PRKCE: variants seen among roughly 807,000 people sequenced by gnomAD.
PRKCE encodes the protein protein kinase C epsilon, also known as protein kinase C epsilon type.
Under a neutral mutation model 85.4 loss-of-function variants are expected in PRKCE, and 16 were observed. The observed-to-expected ratio is 0.19, with a 90% CI of 0.13 to 0.28. PRKCE has a LOEUF of 0.28. PRKCE is among the 10% of genes least tolerant of loss of function. The pLI is 1.00. For synonymous variants in PRKCE, 388 were observed against 371.5 expected, an observed-to-expected ratio of 1.04 and a Z score of -0.51; for missense variants, 573 against 975.2, an observed-to-expected ratio of 0.59 and a Z score of 5.49.
intron 10 of PRKCE, among the ~76,000 whole-genome samples, chr2:46,052,922 A>G (rs1332035711): frequency 6.6e-6 from 1 of 152,242 alleles, no homozygotes; most frequent in Non-Finnish European, 1.5e-5. Flanking sequence ...TTTTCCATAA[A>G]TGGTACTGAG....
chr2:45,682,015 G>A (rs972493088), intron 1 of PRKCE, among the ~76,000 whole-genome samples: 1 of 152,148 alleles, frequency 6.6e-6, no homozygotes, highest in Non-Finnish European at 1.5e-5. Flanking sequence ...CTCTTTATGG[G>A]CAGTAAACTT....
intron 2 of PRKCE, among the ~76,000 whole-genome samples, chr2:45,862,040 G>T (rs765869047): frequency 2.0e-5 from 3 of 152,040 alleles, no homozygotes; most frequent in African/African-American, 7.3e-5. Flanking sequence ...TGGAGATGGG[G>T]ACCAAGGGAC....
chr2:45,950,071 C>T (rs1392529723), intron 2 of PRKCE, among the ~76,000 whole-genome samples: 1 of 152,110 alleles, frequency 6.6e-6, no homozygotes, highest in South Asian at 2.1e-4. Context: ...GTTATTACAT[C>T]TATTCAAGTT....
chr2:45,702,504 C>T (rs568720461), intron 1 of PRKCE, among the ~76,000 whole-genome samples: 69 of 152,284 alleles, frequency 4.5e-4, no homozygotes, highest in African/African-American at 1.6e-3. Context: ...GTCAGTTTTA[C>T]TTGCATGTGT....
At chr2:45,828,640 T>G (rs529778973) in intron 1 of PRKCE, among the ~76,000 whole-genome samples, 1 of 152,352 alleles carries the variant, frequency 6.6e-6, no homozygotes, top group African/African-American at 2.4e-5. Context: ...TGAGTTTCTT[T>G]TCTTTTCTTT....
At chr2:46,070,820 C>T (rs1668024389) in intron 10 of PRKCE, among the ~76,000 whole-genome samples, 1 of 152,136 alleles carries the variant, frequency 6.6e-6, no homozygotes, top group African/African-American at 2.4e-5. Context: ...CTCCTCTGAG[C>T]CTCTGTATCT....
chr2:45,751,194 G>GT (rs972071793), intron 1 of PRKCE, among the ~76,000 whole-genome samples: 8 of 152,094 alleles, frequency 5.3e-5, no homozygotes, highest in African/African-American at 1.9e-4. Flanking sequence ...CTTTCACTCA[G>GT]TTTTTCATCT....
chr2:45,655,402 A>T (rs368011684), intron 1 of PRKCE, among the ~76,000 whole-genome samples: 2 of 148,988 alleles, frequency 1.3e-5, no homozygotes, highest in African/African-American at 2.5e-5. Context: ...AGTGTATTTT[A>T]TGTGTGGCCC....
At chr2:46,098,876 G>A (rs1475289913) in intron 11 of PRKCE, among the ~76,000 whole-genome samples, 3 of 152,266 alleles carry the variant, frequency 2.0e-5, no homozygotes, top group Admixed American at 1.3e-4. Flanking sequence ...GTTGGTCTCT[G>A]TGGTCCCTCC....
At chr2:46,094,016 T>C (rs962623151) in intron 11 of PRKCE, among the ~76,000 whole-genome samples, 2 of 152,212 alleles carry the variant, frequency 1.3e-5, no homozygotes, top group African/African-American at 2.4e-5. Flanking sequence ...TCTATGTAAT[T>C]ATTATTGATT....
Position 46,138,554 on chromosome 2 carries a change from C to T in PRKCE, c.1593-6539C>T, listed in dbSNP as rs551371006. Among the ~76,000 whole-genome samples the T allele has an allele frequency of 6.6e-6, 1 of 152,158 alleles. No homozygotes were observed. Among genetic ancestry groups the T allele is most frequent in the Non-Finnish European group, 1.5e-5 (1 of 68,032 alleles). ...AGGCGAATGCACCCTTTCCTTATAG[C>T]CAGGATGTGCTTTCCAAATCTCTGT... On this transcript the variant is annotated intron_variant, in intron 11 of 14. Transcript: ENST00000306156. This position sits in a 1 kb window ranked among gnomAD's most constrained non-coding sequence, Gnocchi z 4.2.
intron 1 of PRKCE, among the ~76,000 whole-genome samples, chr2:45,841,985 G>A (rs1252786579): frequency 2.6e-5 from 4 of 152,212 alleles, no homozygotes; most frequent in Non-Finnish European, 5.9e-5. Context: ...ATGAACCAAT[G>A]AAAGCTCTGT....
chr2:45,781,726 G>T (rs966804135), intron 1 of PRKCE, among the ~76,000 whole-genome samples: 5 of 151,358 alleles, frequency 3.3e-5, no homozygotes, highest in African/African-American at 1.2e-4. Flanking sequence ...TGAAATATTT[G>T]CTTTTCTTTA....
At chr2:45,931,766 G>C (rs1401689913) in intron 2 of PRKCE, among the ~76,000 whole-genome samples, 2 of 152,132 alleles carry the variant, frequency 1.3e-5, no homozygotes, top group African/African-American at 4.8e-5. Flanking sequence ...GAGTGCAGTG[G>C]CGCGATTTCG....
chr2:46,159,790 G>A lies in PRKCE; in HGVS notation c.2067+38G>A, dbSNP rs61759995. ...CCGTGCACGTTCAGCACCATGGGTCGGGCCCAGGTACTTGCAGGACAGGCT... is the reference window on the plus strand; with the variant it reads ...CCGTGCACGTTCAGCACCATGGGTCAGGCCCAGGTACTTGCAGGACAGGCT... On this transcript the variant is annotated intron_variant, in intron 14 of 14. Transcript: ENST00000306156. This position sits in a 1 kb window ranked among gnomAD's most constrained non-coding sequence, Gnocchi z 4.1. The A allele has an allele frequency of 9.6e-4, 1,524 of 1,595,184 alleles. 16 individuals are homozygous for A. In the African/African-American group the frequency reaches 0.017, roughly 18 times the overall value.
chr2:45,904,835 T>C lies in PRKCE; in HGVS notation c.412+61772T>C, dbSNP rs372587577. 3.3e-5 allele frequency among the ~76,000 whole-genome samples: 5 copies of C among 152,308 alleles called. No homozygotes were observed. The East Asian group carries it at 9.7e-4, about 29-fold the overall frequency. On this transcript the variant is annotated intron_variant, in intron 2 of 14. Coordinates refer to ENST00000306156, the MANE Select transcript of PRKCE (RefSeq NM_005400.3). ...AGCCCTGCATGGGACATTCTCCTGA[T>C]GGCAGGGACCCATGAGAGGGGGGCT... is the stretch of plus-strand genomic sequence containing the variant.
In PRKCE at chr2:45,774,618, G is replaced by A. The variant is rs1685606875; in HGVS notation, c.349-68382G>A. On this transcript the variant is annotated intron_variant, in intron 1 of 14. Coordinates refer to ENST00000306156, the MANE Select transcript of PRKCE (RefSeq NM_005400.3). This position sits in a 1 kb window ranked among gnomAD's most constrained non-coding sequence, Gnocchi z 4.3. Reference sequence around the variant, plus strand: ...CAGAGCAGGCAGCCTGTGGGGTAGGGTTGCACTGAGAGGGGTATTCTGAAG... The same window carrying A: ...CAGAGCAGGCAGCCTGTGGGGTAGGATTGCACTGAGAGGGGTATTCTGAAG... Among the ~76,000 whole-genome samples, 1 of 152,178 alleles carries A rather than the reference G, an allele frequency of 6.6e-6. No individual in the cohort carries two copies. The highest frequency in any genetic ancestry group is 2.1e-4 in the South Asian group (1 of 4,824).
At chr2:45,738,979 A>G (rs1283005141) in intron 1 of PRKCE, among the ~76,000 whole-genome samples, 3 of 152,232 alleles carry the variant, frequency 2.0e-5, no homozygotes, top group Admixed American at 6.5e-5. Flanking sequence ...GTACCAGTCC[A>G]AGGATAGATG....
chr2:46,122,653 A>G (rs1000990784), intron 11 of PRKCE, among the ~76,000 whole-genome samples: 7 of 152,184 alleles, frequency 4.6e-5, no homozygotes, highest in Non-Finnish European at 8.8e-5. Flanking sequence ...CGCTTTTATG[A>G]AGAATAATAA....
Sources: allele counts gnomAD v4.1 joint callset (sites outside exome capture counted in the v4.1 genomes callset), GRCh38; gene constraint gnomAD v4.1.1; non-coding constraint Gnocchi (gnomAD v3.1); transcripts MANE v1.5; gene names NCBI Gene and HGNC (gene_info 2026-07-23, HGNC 2026-07-21).